CNTNAP2: variants seen among roughly 807,000 people sequenced by gnomAD.
CNTNAP2 encodes the protein contactin-associated protein-like 2.
Under a neutral mutation model 155.2 loss-of-function variants are expected in CNTNAP2, and 98 were observed. That is an observed-to-expected ratio of 0.63 (90% CI 0.54 to 0.75). The LOEUF (loss-of-function observed/expected upper bound fraction) is 0.75, where lower values mean the gene tolerates loss of function less well. Among genes scored for constraint, CNTNAP2 ranks in the 30% least tolerant of loss-of-function variants. CNTNAP2 has a pLI of 0.00. For missense variants in CNTNAP2, 1,727 were observed against 1,688.1 expected (o/e 1.02, Z -0.40); for synonymous variants, 651 against 631.2 (o/e 1.03, Z -0.47).
chr7:147,945,277 A>G (rs1378231966), intron 14 of CNTNAP2, among the ~76,000 whole-genome samples: 1 of 152,208 alleles, frequency 6.6e-6, no homozygotes, highest in Non-Finnish European at 1.5e-5. Flanking sequence ...ATTTTAACAT[A>G]AAATTTAAAC....
intron 15 of CNTNAP2, among the ~76,000 whole-genome samples, chr7:147,983,987 C>T (rs1032504615): frequency 6.6e-6 from 1 of 151,972 alleles, no homozygotes; most frequent in African/African-American, 2.4e-5. Flanking sequence ...TTTTCCCCCA[C>T]AAAAAAACTG....
At chr7:146,756,305 GC>G (rs1317329211) in intron 1 of CNTNAP2, among the ~76,000 whole-genome samples, 1 of 151,722 alleles carries the variant, frequency 6.6e-6, no homozygotes, top group Non-Finnish European at 1.5e-5. Flanking sequence ...ACTAATACTG[GC>G]CTATGACTTT....
intron 15 of CNTNAP2, among the ~76,000 whole-genome samples, chr7:148,001,465 T>C (rs1463078317): frequency 1.3e-5 from 2 of 152,204 alleles, no homozygotes; most frequent in Non-Finnish European, 2.9e-5. Flanking sequence ...GTTACTCAAT[T>C]TTTTTTCTAG....
chr7:146,149,451 A>G (rs1465457382), intron 1 of CNTNAP2, among the ~76,000 whole-genome samples: 1 of 152,102 alleles, frequency 6.6e-6, no homozygotes, highest in Non-Finnish European at 1.5e-5. Context: ...AGAAAGAATC[A>G]TTTTCTACCT....
chr7:147,773,728 A>G (rs1290072688), intron 13 of CNTNAP2, among the ~76,000 whole-genome samples: 1 of 152,000 alleles, frequency 6.6e-6, no homozygotes, highest in East Asian at 1.9e-4. Flanking sequence ...TCTCCAAAAT[A>G]TTTTCAGTGC....
At chr7:147,196,371 G>T (rs2116537091) in intron 8 of CNTNAP2, among the ~76,000 whole-genome samples, 1 of 152,292 alleles carries the variant, frequency 6.6e-6, no homozygotes, top group Middle Eastern at 3.4e-3. Flanking sequence ...GCAAATGTGT[G>T]CTGAATTTGC....
Position 146,774,400 on chromosome 7 carries a change from C to A in CNTNAP2, c.208+19C>A, listed in dbSNP as rs781480662. 21 of 1,522,232 alleles carry A rather than the reference C, an allele frequency of 1.4e-5. No homozygotes were observed. The highest frequency in any genetic ancestry group is 2.3e-5 in the East Asian group (1 of 44,366). 94.3% of individuals were successfully genotyped at this position (1,522,232 alleles called of 1,614,324 possible). A position where few individuals can be genotyped will look rare whatever the true frequency, so the allele number is the denominator to read the frequency against. The stretch of plus-strand genomic sequence containing the variant: ...AGAGGAGGTAAGCCAAATTTTGATT[C>A]TTTTATCAATAAACATGTTAAATAA... On this transcript the variant is annotated intron_variant, in intron 2 of 23. Transcript: ENST00000361727.
At chr7:147,290,683 CAAAAAAAAA>C (rs71182191) in intron 8 of CNTNAP2, among the ~76,000 whole-genome samples, 8 of 73,290 alleles carry the variant, frequency 1.1e-4, no homozygotes, top group Non-Finnish European at 5.3e-5. Flanking sequence ...ACTCCATCTC[CAAAAAAAAA>C]AAAAAAAAAA....
intron 3 of CNTNAP2, among the ~76,000 whole-genome samples, chr7:146,972,393 T>G (rs1463307940): frequency 6.6e-6 from 1 of 152,186 alleles, no homozygotes; most frequent in Non-Finnish European, 1.5e-5. Flanking sequence ...TGCACAAATT[T>G]TTAAATTTCA....
At chr7:146,254,936 G>A (rs1229910479) in intron 1 of CNTNAP2, among the ~76,000 whole-genome samples, 2 of 151,828 alleles carry the variant, frequency 1.3e-5, no homozygotes, top group African/African-American at 4.8e-5. Context: ...GAAACAAATT[G>A]GAAACAATTT....
intron 1 of CNTNAP2, among the ~76,000 whole-genome samples, chr7:146,758,629 T>G (rs768448131): frequency 1.3e-5 from 2 of 152,066 alleles, no homozygotes; most frequent in Non-Finnish European, 2.9e-5. Context: ...GCAGGGAAAC[T>G]CTCCTTTCTA....
intron 3 of CNTNAP2, among the ~76,000 whole-genome samples, chr7:147,025,731 A>T (rs1168220529): frequency 6.6e-6 from 1 of 151,974 alleles, no homozygotes; most frequent in Non-Finnish European, 1.5e-5. Flanking sequence ...AAACTTACAG[A>T]TTATTATGTG....
intron 13 of CNTNAP2, among the ~76,000 whole-genome samples, chr7:147,774,057 CACTTCCTT>C (rs1200038101): frequency 6.6e-6 from 1 of 151,852 alleles, no homozygotes; most frequent in African/African-American, 2.4e-5. Context: ...TACACACAAC[CACTTCCTT>C]ACTTCCTTTT....
intron 1 of CNTNAP2, among the ~76,000 whole-genome samples, chr7:146,534,851 A>G (rs1797823094): frequency 6.6e-6 from 1 of 150,960 alleles, no homozygotes; most frequent in African/African-American, 2.4e-5. Context: ...TTATGATTTT[A>G]GGCAATTAGA....
chr7:147,709,694 G>A (rs1198896396), intron 13 of CNTNAP2, among the ~76,000 whole-genome samples: 5 of 152,120 alleles, frequency 3.3e-5, no homozygotes, highest in East Asian at 3.9e-4. Context: ...AATAGATGAT[G>A]TTCAGAGACA....
At chr7:146,484,551 G>A (rs974108734) in intron 1 of CNTNAP2, among the ~76,000 whole-genome samples, 5 of 151,886 alleles carry the variant, frequency 3.3e-5, no homozygotes, top group Admixed American at 6.6e-5. Context: ...AAGAGTTGGT[G>A]AATCTTTTTC....
At chr7:148,255,187 T>C (rs541012907) in intron 20 of CNTNAP2, among the ~76,000 whole-genome samples, 86 of 152,306 alleles carry the variant, frequency 5.6e-4, no homozygotes, top group African/African-American at 1.9e-3. Flanking sequence ...TCAGATATTG[T>C]TTTTAATGAT....
intron 15 of CNTNAP2, among the ~76,000 whole-genome samples, chr7:148,072,757 G>A (rs976598891): frequency 6.6e-6 from 1 of 152,196 alleles, no homozygotes; most frequent in African/African-American, 2.4e-5. Context: ...GCCCAGACTG[G>A]AGTGCAGTAG....
intron 3 of CNTNAP2, among the ~76,000 whole-genome samples, chr7:146,877,943 GA>G (rs1356841663): frequency 6.6e-6 from 1 of 152,078 alleles, no homozygotes; most frequent in African/African-American, 2.4e-5. Context: ...ATTGTTTTAA[GA>G]TAGTCCTAAG....
Sources: gnomAD v4.1 joint callset for allele counts (sites outside exome capture counted in the v4.1 genomes callset) on GRCh38, gnomAD v4.1.1 for gene constraint, MANE v1.5 for transcripts, NCBI Gene and HGNC (gene_info 2026-07-23, HGNC 2026-07-21) for gene names.